Variants in MRTFA observed in about 807,000 individuals in gnomAD.
MRTFA encodes the protein myocardin related transcription factor A, also known as myocardin-related transcription factor A.
A neutral mutation model predicts 83.5 loss-of-function variants in MRTFA; 20 were observed. That is an observed-to-expected ratio of 0.24 (90% CI 0.17 to 0.35). The LOEUF (loss-of-function observed/expected upper bound fraction) is 0.35. Among genes scored for constraint, MRTFA ranks in the 10% least tolerant of loss-of-function variants. The pLI, the probability that MRTFA is intolerant of heterozygous loss-of-function variation, is 1.00. For synonymous variants in MRTFA, 659 were observed against 541.2 expected, an observed-to-expected ratio of 1.22 and a Z score of -3.02; for missense variants, 1,200 against 1,224.7, an observed-to-expected ratio of 0.98 and a Z score of 0.30.
At chr22:40,417,527 AG>A in intron 12 of MRTFA, 34 bp from the exon 13 acceptor site, 3 of 942,116 alleles carry the variant, frequency 3.2e-6, no homozygotes, top group Admixed American at 4.4e-5. Flanking sequence ...ACCAGTGGCC[AG>A]GGGGCTGGGG....
chr22:40,588,268 C>T (rs1463365069), intron 2 of MRTFA, among the ~76,000 whole-genome samples: 4 of 152,120 alleles, frequency 2.6e-5, no homozygotes, highest in African/African-American at 9.7e-5. Context: ...ACCTTGTGAT[C>T]CACCTGCCTC....
intron 1 of MRTFA, among the ~76,000 whole-genome samples, chr22:40,624,855 A>G (rs182071858): frequency 6.6e-6 from 1 of 152,356 alleles, no homozygotes; most frequent in African/African-American, 2.4e-5. Context: ...ATCCTGCCAG[A>G]TACACTTTAA....
chr22:40,543,546 C>T (rs937515817), intron 3 of MRTFA, among the ~76,000 whole-genome samples: 4 of 152,150 alleles, frequency 2.6e-5, no homozygotes, highest in Non-Finnish European at 5.9e-5. Context: ...TAGAACTGCA[C>T]CTTTACATCT....
intron 3 of MRTFA, among the ~76,000 whole-genome samples, chr22:40,550,289 T>C (rs1224241445): frequency 6.6e-6 from 1 of 151,862 alleles, no homozygotes; most frequent in Non-Finnish European, 1.5e-5. Flanking sequence ...GGTAAGGCAA[T>C]TCTAAAATCA....
At chr22:40,510,421 G>A (rs1393184761) in intron 3 of MRTFA, among the ~76,000 whole-genome samples, 1 of 152,062 alleles carries the variant, frequency 6.6e-6, no homozygotes, top group East Asian at 1.9e-4. Context: ...CTGGCCACCT[G>A]CAGATAAATA....
intron 3 of MRTFA, among the ~76,000 whole-genome samples, chr22:40,472,750 C>T (rs2147170270): frequency 6.6e-6 from 1 of 152,312 alleles, no homozygotes; most frequent in East Asian, 1.9e-4. Flanking sequence ...CATTTCCCAG[C>T]TTCCATGGTG....
intron 2 of MRTFA, among the ~76,000 whole-genome samples, chr22:40,564,321 A>G (rs2055671717): frequency 6.6e-6 from 1 of 152,222 alleles, no homozygotes; most frequent in Non-Finnish European, 1.5e-5. Flanking sequence ...CACGAGAAGG[A>G]AAACATGGGA....
At chr22:40,589,379 TCCTCATAAAA>T (rs1372248211) in intron 2 of MRTFA, among the ~76,000 whole-genome samples, 2 of 152,192 alleles carry the variant, frequency 1.3e-5, no homozygotes, top group Non-Finnish European at 2.9e-5. Flanking sequence ...GCCTATTTAA[TCCTCATAAAA>T]ACGTATGAGG....
At chr22:40,479,129 G>A (rs184913907) in intron 3 of MRTFA, among the ~76,000 whole-genome samples, 1 of 152,142 alleles carries the variant, frequency 6.6e-6, no homozygotes, top group Non-Finnish European at 1.5e-5. Flanking sequence ...TAAGCAAGCT[G>A]AGCGCTTGCA....
At chr22:40,487,327 T>C (rs1404366412) in intron 3 of MRTFA, among the ~76,000 whole-genome samples, 3 of 152,220 alleles carry the variant, frequency 2.0e-5, no homozygotes, top group Non-Finnish European at 4.4e-5. Context: ...CCACTATACA[T>C]TTATATAATA....
intron 3 of MRTFA, among the ~76,000 whole-genome samples, chr22:40,537,140 C>CGT (rs2055197932): frequency 3.9e-5 from 2 of 50,760 alleles, no homozygotes; most frequent in African/African-American, 7.3e-5. Context: ...CCCGGCCAGC[C>CGT]GCCACGTCCG....
intron 3 of MRTFA, among the ~76,000 whole-genome samples, chr22:40,503,653 G>A (rs2054533824): frequency 6.6e-6 from 1 of 152,176 alleles, no homozygotes; most frequent in Admixed American, 6.5e-5. Context: ...CTGGCTGGGC[G>A]CAGTGGCTCA....
At chr22:40,516,656 C>G (rs891366921) in intron 3 of MRTFA, among the ~76,000 whole-genome samples, 1 of 152,000 alleles carries the variant, frequency 6.6e-6, no homozygotes, top group African/African-American at 2.4e-5. Context: ...TGGCAAGACA[C>G]GCTAGAAGTT....
chr22:40,478,781 G>A (rs141741025), intron 3 of MRTFA, among the ~76,000 whole-genome samples: 3 of 152,224 alleles, frequency 2.0e-5, no homozygotes, highest in East Asian at 1.9e-4. Context: ...GAATGGCTCC[G>A]ACAGCAATCA....
chr22:40,461,580 C>T (rs988798281), intron 4 of MRTFA, among the ~76,000 whole-genome samples: 2 of 145,598 alleles, frequency 1.4e-5, no homozygotes, highest in African/African-American at 2.6e-5. Flanking sequence ...GCCAAGAGAT[C>T]GAGACCAACC....
rs879931463 is a variant in MRTFA, at chr22:40,432,521, T to G, written c.364-1041A>C. Among the ~76,000 whole-genome samples, 3 of 152,186 alleles carry G rather than the reference T, an allele frequency of 2.0e-5. No individual in the cohort carries two copies. The East Asian group carries it at 5.8e-4, about 29-fold the overall frequency. On this transcript the variant is annotated intron_variant, in intron 5 of 14. Transcript: ENST00000355630. Reference sequence around the variant, plus strand: ...ATATATATATTCCCCTGGACCTGACTCTATAGAGTCTGTGCTCTTAACCTC... The same window carrying G: ...ATATATATATTCCCCTGGACCTGACGCTATAGAGTCTGTGCTCTTAACCTC...
chr22:40,429,303 CATCT>C (rs2053019648), intron 7 of MRTFA: 1 of 607,072 alleles, frequency 1.6e-6, no homozygotes, highest in Non-Finnish European at 2.9e-6. Flanking sequence ...CTGATCCTGA[CATCT>C]ATCTACTCTG....
intron 1 of MRTFA, among the ~76,000 whole-genome samples, chr22:40,625,895 A>G (rs1347966765): frequency 6.6e-6 from 1 of 152,246 alleles, no homozygotes; most frequent in Non-Finnish European, 1.5e-5. Context: ...GTGCAAATTT[A>G]AAGAGTGAAA....
intron 1 of MRTFA, among the ~76,000 whole-genome samples, chr22:40,611,894 G>A (rs971637974): frequency 2.0e-5 from 3 of 151,378 alleles, no homozygotes; most frequent in Non-Finnish European, 4.4e-5. Context: ...TGGAAAGGAA[G>A]AAAAAAAACA....
Sources: gnomAD v4.1 joint callset for allele counts (sites outside exome capture counted in the v4.1 genomes callset) on GRCh38, gnomAD v4.1.1 for gene constraint, MANE v1.5 for transcripts, NCBI Gene and HGNC (gene_info 2026-07-23, HGNC 2026-07-21) for gene names.